Variants in EPHA5 observed in about 807,000 individuals in gnomAD.
The protein encoded by EPHA5 is EPH receptor A5.
Under a neutral mutation model 105.0 loss-of-function variants are expected in EPHA5, and 60 were observed. The ratio of observed to expected loss-of-function variants is 0.57; its 90% CI spans 0.46 to 0.71. EPHA5 has a LOEUF of 0.71. Among genes scored for constraint, EPHA5 ranks in the 30% least tolerant of loss-of-function variants. The pLI is 0.00. For missense variants in EPHA5, 1,218 were observed against 1,274.7 expected (o/e 0.96, Z 0.68); for synonymous variants, 513 against 449.1 (o/e 1.14, Z -1.80).
chr4:65,486,864 T>C (rs923053137), intron 5 of EPHA5, among the ~76,000 whole-genome samples: 1 of 152,216 alleles, frequency 6.6e-6, no homozygotes, highest in Non-Finnish European at 1.5e-5. Context: ...ATTCCCAATG[T>C]TGGAAGTGGG....
At chr4:65,357,487 T>C (rs1387933414) in intron 11 of EPHA5, among the ~76,000 whole-genome samples, 1 of 151,554 alleles carries the variant, frequency 6.6e-6, no homozygotes, top group East Asian at 1.9e-4. Context: ...CAACCATTGA[T>C]GGCAGATCTA....
chr4:65,642,207 T>C (rs1211543607), intron 2 of EPHA5, among the ~76,000 whole-genome samples: 2 of 152,098 alleles, frequency 1.3e-5, no homozygotes, highest in African/African-American at 4.8e-5. Context: ...CAATAGATTA[T>C]TTTTGGTACA....
In EPHA5 at chr4:65,565,455, A is replaced by C. The variant is rs188509380; in HGVS notation, c.910+36186T>G. ...AAAGTCATATAAATGTTTTTCAGTA[A>C]AATTTAATAAGAGATTTCCAATAAG... On this transcript the variant is annotated intron_variant, in intron 3 of 16. Coordinates refer to ENST00000613740, the MANE Select transcript of EPHA5 (RefSeq NM_001281766.3). 1.3e-3 allele frequency among the ~76,000 whole-genome samples: 202 copies of C among 151,862 alleles called. 1 individual carries two copies. Among genetic ancestry groups the C allele is most frequent in the Non-Finnish European group, 6.2e-4 (42 of 67,758 alleles).
At chr4:65,436,174 C>T (rs1725465124) in intron 5 of EPHA5, among the ~76,000 whole-genome samples, 1 of 151,930 alleles carries the variant, frequency 6.6e-6, no homozygotes, top group South Asian at 2.1e-4. Flanking sequence ...TGGACATATT[C>T]ATCTTTTGAC....
intron 1 of EPHA5, among the ~76,000 whole-genome samples, chr4:65,649,644 A>G (rs903290823): frequency 2.0e-5 from 3 of 152,106 alleles, no homozygotes; most frequent in Admixed American, 6.6e-5. Context: ...CAACACCCCT[A>G]TCTATTATTT....
At chr4:65,624,345 C>A (rs1318488369) in intron 2 of EPHA5, among the ~76,000 whole-genome samples, 2 of 152,120 alleles carry the variant, frequency 1.3e-5, no homozygotes, top group Non-Finnish European at 2.9e-5. Flanking sequence ...GCATACTTGT[C>A]ATTATTCAGT....
intron 3 of EPHA5, among the ~76,000 whole-genome samples, chr4:65,562,665 G>A (rs577305329): frequency 2.0e-5 from 3 of 152,002 alleles, no homozygotes; most frequent in African/African-American, 7.2e-5. Context: ...CTGAAAGTTA[G>A]TGACTTTTTC....
intron 1 of EPHA5, among the ~76,000 whole-genome samples, chr4:65,661,075 T>C (rs1749517209): frequency 6.6e-6 from 1 of 152,134 alleles, no homozygotes; most frequent in South Asian, 2.1e-4. Flanking sequence ...TTGTTTTCCA[T>C]AGCAATTATA....
At chr4:65,495,284 T>A (rs1449731759) in intron 4 of EPHA5, 104 bp downstream of exon 4, 1 of 1,218,216 alleles carries the variant, frequency 8.2e-7, no homozygotes, top group African/African-American at 1.5e-5. Context: ...AAACATTATG[T>A]CTGTTTTAGG....
At chr4:65,465,375 G>A (rs544996987) in intron 5 of EPHA5, among the ~76,000 whole-genome samples, 2 of 151,432 alleles carry the variant, frequency 1.3e-5, no homozygotes, top group East Asian at 1.9e-4. Flanking sequence ...GCAGTGAGCC[G>A]AGATCGTGCC....
intron 2 of EPHA5, among the ~76,000 whole-genome samples, chr4:65,641,412 G>GA (rs913774936): frequency 9.4e-5 from 14 of 149,206 alleles, no homozygotes; most frequent in Non-Finnish European, 1.6e-4. Flanking sequence ...GGCATTTATT[G>GA]AAAAAAAAAT....
At chr4:65,646,602 A>G (rs1179669513) in intron 1 of EPHA5, among the ~76,000 whole-genome samples, 3 of 152,204 alleles carry the variant, frequency 2.0e-5, no homozygotes, top group Non-Finnish European at 4.4e-5. Context: ...ACCAAAGTTA[A>G]GAAACCCTGT....
chr4:65,496,462 G>A (rs1441815491), intron 3 of EPHA5, among the ~76,000 whole-genome samples: 2 of 147,228 alleles, frequency 1.4e-5, no homozygotes, highest in Non-Finnish European at 3.0e-5. Context: ...TCCCACTTAT[G>A]AGTGAGAACA....
At chr4:65,464,693 T>G (rs1728445572) in intron 5 of EPHA5, among the ~76,000 whole-genome samples, 1 of 152,116 alleles carries the variant, frequency 6.6e-6, no homozygotes, top group Non-Finnish European at 1.5e-5. Context: ...TAATTCTATC[T>G]GGAAAACAAA....
intron 8 of EPHA5, among the ~76,000 whole-genome samples, chr4:65,397,913 G>C (rs1331525756): frequency 6.6e-6 from 1 of 152,178 alleles, no homozygotes; most frequent in Non-Finnish European, 1.5e-5. Context: ...ACTGATGGCA[G>C]TGGTGGCCTG....
In EPHA5 at chr4:65,472,878, T is replaced by C. The variant is rs150818514; in HGVS notation, c.1402+17499A>G. 2.8e-3 allele frequency among the ~76,000 whole-genome samples: 426 copies of C among 152,364 alleles called. 1 individual carries two copies. The highest frequency in any genetic ancestry group is 9.8e-3 in the African/African-American group (406 of 41,588). ...ATTAACATCGAGTTCCTTGTTACTATGCAAATTTATGCAGCCGGCTTGAAT... is the reference window on the plus strand; with the variant it reads ...ATTAACATCGAGTTCCTTGTTACTACGCAAATTTATGCAGCCGGCTTGAAT... On this transcript the variant is annotated intron_variant, in intron 5 of 16. Coordinates refer to ENST00000613740, the MANE Select transcript of EPHA5 (RefSeq NM_001281766.3).
At chr4:65,395,733 G>A (rs1339215312) in intron 8 of EPHA5, among the ~76,000 whole-genome samples, 1 of 152,212 alleles carries the variant, frequency 6.6e-6, no homozygotes, top group Non-Finnish European at 1.5e-5. Context: ...GACAATCAAA[G>A]AGAAGACTGG....
chr4:65,330,281 G>A lies in EPHA5; in HGVS notation c.2945+1692C>T, dbSNP rs927424875. On this transcript the variant is annotated intron_variant, in intron 16 of 16. Coordinates refer to ENST00000613740, the MANE Select transcript of EPHA5 (RefSeq NM_001281766.3). ...TGAGAAGACATAAGAGGTTATTAGG[G>A]CTTGAAAGAAAACAAAAACTAAAGA... Among the ~76,000 whole-genome samples the A allele has an allele frequency of 2.6e-5, 4 of 151,454 alleles. No individual in the cohort carries two copies. The South Asian group carries it at 8.3e-4, about 31-fold the overall frequency.
At chr4:65,625,659 G>C (rs892966101) in intron 2 of EPHA5, among the ~76,000 whole-genome samples, 1 of 152,100 alleles carries the variant, frequency 6.6e-6, no homozygotes, top group Non-Finnish European at 1.5e-5. Flanking sequence ...CCTTGTCACT[G>C]TGGTTGTAGT....
Sources: allele counts gnomAD v4.1 joint callset (sites outside exome capture counted in the v4.1 genomes callset), GRCh38; gene constraint gnomAD v4.1.1; transcripts MANE v1.5; gene names NCBI Gene and HGNC (gene_info 2026-07-23, HGNC 2026-07-21).